The following ZNF280D variants were observed in gnomAD, a reference collection of about 807,000 sequenced individuals.
ZNF280D encodes the protein suppressor of hairy wing homolog 4.
ZNF280D carries 39 observed loss-of-function variants against 94.7 expected under a neutral mutation model. The ratio of observed to expected loss-of-function variants is 0.41; its 90% CI spans 0.32 to 0.54. The LOEUF (loss-of-function observed/expected upper bound fraction) is 0.54. Ranked by LOEUF, ZNF280D falls within the 20% of genes least tolerant of loss-of-function variation. ZNF280D has a pLI of 0.22. For missense variants in ZNF280D, 1,090 were observed against 1,149.3 expected (o/e 0.95, Z 0.75); for synonymous variants, 398 against 377.6 (o/e 1.05, Z -0.63).
intron 7 of ZNF280D, among the ~76,000 whole-genome samples, chr15:56,691,067 A>C (rs2056396747): frequency 6.6e-6 from 1 of 152,188 alleles, no homozygotes; most frequent in Admixed American, 6.5e-5. Flanking sequence ...AATGTACTTA[A>C]GGCACCCAAC....
chr15:56,666,522 T>C lies in ZNF280D; in HGVS notation c.1867A>G (p.Ile623Val), dbSNP rs146679775. 2.5e-6 allele frequency: 4 copies of C among 1,593,242 alleles called. No homozygotes were observed. In the African/African-American group the frequency reaches 5.4e-5, roughly 22 times the overall value. ...ALRNLRYRRG[I>V]HKCIECCSEI... is the part of the protein sequence containing the mutation. ...GAACAACACTCAATGCATTTGTGAA[T>C]GCCCCGACGATACCTTAGGGAGACA... The change falls in exon 16 of 22, where the codon ATT (isoleucine) becomes GTT (valine). Residue 623 changes from isoleucine (I) to valine (V), a missense_variant. Physicochemically the swap from Ile to Val is conservative, Grantham distance 29. Coordinates refer to ENST00000267807, the MANE Select transcript of ZNF280D (RefSeq NM_017661.4).
chr15:56,721,953 A>G (rs74015898), intron 1 of ZNF280D, among the ~76,000 whole-genome samples: 1,806 of 152,278 alleles, frequency 0.012, 35 homozygotes, highest in African/African-American at 0.042. Flanking sequence ...ACTAAGCTTA[A>G]TAATTTCTAG....
At chr15:56,709,310 T>C (rs1377882838) in intron 1 of ZNF280D, among the ~76,000 whole-genome samples, 2 of 151,652 alleles carry the variant, frequency 1.3e-5, no homozygotes, top group African/African-American at 4.9e-5. Flanking sequence ...CACAATGAGA[T>C]ACCATCTCAC....
rs560446498 is a variant in ZNF280D, at chr15:56,675,059, C to T, written c.1410+1611G>A. 2.0e-5 allele frequency among the ~76,000 whole-genome samples: 3 copies of T among 152,112 alleles called. 1 individual carries two copies. The highest frequency in any genetic ancestry group is 7.2e-5 in the African/African-American group (3 of 41,464). Reference sequence around the variant, plus strand: ...CTTCAAAGATGCCCAATGATCCTTACTAATAGACTGCCCCCTCTTTACTGC... The same window carrying T: ...CTTCAAAGATGCCCAATGATCCTTATTAATAGACTGCCCCCTCTTTACTGC... On this transcript the variant is annotated intron_variant, in intron 13 of 21. Transcript: ENST00000267807.
At chr15:56,725,112 G>A in intron 1 of ZNF280D, 2 of 254,390 alleles carry the variant, frequency 7.9e-6, no homozygotes, top group South Asian at 9.3e-5. Flanking sequence ...ATTTGCCAAA[G>A]GTAACCCACA....
At chr15:56,693,554 C>G (rs1380443575) in intron 6 of ZNF280D, among the ~76,000 whole-genome samples, 1 of 151,732 alleles carries the variant, frequency 6.6e-6, no homozygotes, top group Non-Finnish European at 1.5e-5. Context: ...CATAAATCAA[C>G]TTATATATCA....
chr15:56,665,855 G>T (rs1369902374), intron 16 of ZNF280D, among the ~76,000 whole-genome samples: 1 of 152,156 alleles, frequency 6.6e-6, no homozygotes, highest in Non-Finnish European at 1.5e-5. Flanking sequence ...CTATTTCCCA[G>T]CCGGGTGCAA....
intron 1 of ZNF280D, among the ~76,000 whole-genome samples, chr15:56,713,537 T>C (rs2057885056): frequency 6.6e-6 from 1 of 152,206 alleles, no homozygotes; most frequent in African/African-American, 2.4e-5. Context: ...AGCAATTCTT[T>C]AGTCTTTATG....
chr15:56,678,518 A>G, intron 11 of ZNF280D, 146 bp downstream of exon 11: 1 of 585,020 alleles, frequency 1.7e-6, no homozygotes, highest in Non-Finnish European at 2.8e-6. Flanking sequence ...AGTTTATCAC[A>G]GTTAAAACTT....
intron 19 of ZNF280D, among the ~76,000 whole-genome samples, chr15:56,644,692 A>T (rs1306237827): frequency 6.6e-6 from 1 of 152,172 alleles, no homozygotes; most frequent in African/African-American, 2.4e-5. Flanking sequence ...TAATAAATTA[A>T]TTGTATGCAG....
chr15:56,683,174 G>A (rs1168874179), intron 9 of ZNF280D, among the ~76,000 whole-genome samples: 1 of 151,986 alleles, frequency 6.6e-6, no homozygotes, highest in Admixed American at 6.6e-5. Flanking sequence ...TGTTCACAGA[G>A]TACCTTTTAA....
chr15:56,678,567 C>A, intron 11 of ZNF280D, 97 bp downstream of exon 11: 1 of 1,176,810 alleles, frequency 8.5e-7, no homozygotes, highest in East Asian at 2.7e-5. Flanking sequence ...AAGTCTAGTT[C>A]TCATTCTCAT....
chr15:56,643,040 C>T (rs754093757), intron 19 of ZNF280D, 43 bp from the exon 20 acceptor site: 176 of 1,274,932 alleles, frequency 1.4e-4, no homozygotes, highest in Non-Finnish European at 1.7e-4. Flanking sequence ...TTTATATGTA[C>T]GATGGTAAAA....
chr15:56,731,217 ATTT>A (rs2058866126), intron 1 of ZNF280D, among the ~76,000 whole-genome samples: 1 of 152,122 alleles, frequency 6.6e-6, no homozygotes, highest in Non-Finnish European at 1.5e-5. Flanking sequence ...CAAAAGGTCA[ATTT>A]CGCCCAGTGC....
intron 19 of ZNF280D, among the ~76,000 whole-genome samples, chr15:56,644,966 A>C (rs913220875): frequency 6.6e-6 from 1 of 152,236 alleles, no homozygotes; most frequent in South Asian, 2.1e-4. Context: ...ACTAGTGAAC[A>C]CATTTAGAAA....
chr15:56,717,509 T>G (rs1314263652), intron 1 of ZNF280D, among the ~76,000 whole-genome samples: 1 of 152,100 alleles, frequency 6.6e-6, no homozygotes, highest in African/African-American at 2.4e-5. Flanking sequence ...TTGCTAGTAT[T>G]GAGCTTTAAC....
chr15:56,714,234 C>T (rs550374881), intron 1 of ZNF280D, among the ~76,000 whole-genome samples: 2 of 152,224 alleles, frequency 1.3e-5, no homozygotes, highest in Non-Finnish European at 2.9e-5. Context: ...AACTTTATTA[C>T]TAAAAACACC....
chr15:56,680,587 C>T (rs1253993661), intron 10 of ZNF280D, among the ~76,000 whole-genome samples: 2 of 149,806 alleles, frequency 1.3e-5, no homozygotes, highest in African/African-American at 5.1e-5. Flanking sequence ...AGCGATCCTC[C>T]CACCTCAGCC....
chr15:56,651,243 T>C (rs916261873), intron 19 of ZNF280D, among the ~76,000 whole-genome samples: 1 of 152,184 alleles, frequency 6.6e-6, no homozygotes, highest in Non-Finnish European at 1.5e-5. Context: ...ATTATTTTTC[T>C]AAGAATGATG....
Sources: allele counts gnomAD v4.1 joint callset (sites outside exome capture counted in the v4.1 genomes callset), GRCh38; gene constraint gnomAD v4.1.1; transcripts MANE v1.5; gene names NCBI Gene and HGNC (gene_info 2026-07-23, HGNC 2026-07-21).